Variants in TWSG1 observed in about 807,000 individuals in gnomAD.
The protein encoded by TWSG1 is twisted gastrulation protein homolog 1.
TWSG1 carries 15 observed loss-of-function variants against 23.0 expected under a neutral mutation model. The observed-to-expected ratio is 0.65, with a 90% CI of 0.44 to 1.00. TWSG1 has a LOEUF of 1.00. Ranked by LOEUF, TWSG1 falls within the 50% of genes least tolerant of loss-of-function variation. TWSG1 has a pLI of 0.00. For synonymous variants in TWSG1, 86 were observed against 92.8 expected, an observed-to-expected ratio of 0.93 and a Z score of 0.42; for missense variants, 242 against 278.7, an observed-to-expected ratio of 0.87 and a Z score of 0.94.
intron 2 of TWSG1, among the ~76,000 whole-genome samples, chr18:9,339,343 C>G (rs898188424): frequency 2.0e-5 from 3 of 152,046 alleles, no homozygotes; most frequent in African/African-American, 7.2e-5. Flanking sequence ...TTTTTTGGCT[C>G]TATTACAGCT....
intron 3 of TWSG1, among the ~76,000 whole-genome samples, chr18:9,363,580 A>G (rs921936437): frequency 1.3e-5 from 2 of 152,164 alleles, no homozygotes; most frequent in Non-Finnish European, 2.9e-5. Context: ...TACATAACAC[A>G]ATGTCATTAC....
chr18:9,365,575 G>T (rs1400151519), intron 3 of TWSG1, among the ~76,000 whole-genome samples: 7 of 152,150 alleles, frequency 4.6e-5, no homozygotes, highest in Non-Finnish European at 1.0e-4. Flanking sequence ...GGGAGCGGGG[G>T]CTGTGGCAGG....
At chr18:9,378,275 C>G (rs1186583399) in intron 3 of TWSG1, among the ~76,000 whole-genome samples, 1 of 152,118 alleles carries the variant, frequency 6.6e-6, no homozygotes. Context: ...AGCAATGAGG[C>G]AAGAGAAAGG....
chr18:9,340,311 T>G (rs1246500732), intron 2 of TWSG1, among the ~76,000 whole-genome samples: 1 of 132,028 alleles, frequency 7.6e-6, no homozygotes, highest in African/African-American at 2.9e-5. Flanking sequence ...GAGCTTGCAG[T>G]GAGCCAAGAT....
intron 3 of TWSG1, among the ~76,000 whole-genome samples, chr18:9,394,204 T>G (rs967708743): frequency 6.6e-6 from 1 of 152,218 alleles, no homozygotes; most frequent in Non-Finnish European, 1.5e-5. Context: ...TTATACTCAA[T>G]GGAATGCTAT....
intron 2 of TWSG1, among the ~76,000 whole-genome samples, chr18:9,344,511 G>GTGTGTT (rs1598820551): frequency 1.4e-5 from 1 of 71,438 alleles, no homozygotes; most frequent in African/African-American, 4.5e-5. Context: ...GTGTGTGTGT[G>GTGTGTT]TGTGTGTGTG....
chr18:9,389,024 T>G (rs1379500646), intron 3 of TWSG1, among the ~76,000 whole-genome samples: 2 of 152,202 alleles, frequency 1.3e-5, no homozygotes, highest in African/African-American at 4.8e-5. Flanking sequence ...TTGCCCAGGC[T>G]GGAGTGCAGT....
At chr18:9,392,077 G>A (rs534722848) in intron 3 of TWSG1, among the ~76,000 whole-genome samples, 3 of 152,308 alleles carry the variant, frequency 2.0e-5, no homozygotes, top group African/African-American at 7.2e-5. Flanking sequence ...TTTTGGAATA[G>A]TAAATTAGCA....
chr18:9,391,316 C>T (rs776095975), intron 3 of TWSG1, among the ~76,000 whole-genome samples: 1 of 152,194 alleles, frequency 6.6e-6, no homozygotes. Context: ...AAGTCTTGAA[C>T]CCCTCAAAGT....
chr18:9,373,930 A>G (rs944318055), intron 3 of TWSG1, among the ~76,000 whole-genome samples: 3 of 152,368 alleles, frequency 2.0e-5, no homozygotes, highest in Admixed American at 2.0e-4. Context: ...AAATATGTGA[A>G]GATTAAGCAA....
intron 3 of TWSG1, among the ~76,000 whole-genome samples, chr18:9,379,580 G>A (rs2040647016): frequency 6.6e-6 from 1 of 152,082 alleles, no homozygotes; most frequent in African/African-American, 2.4e-5. Context: ...TGGTATTCAG[G>A]TGATGAAATA....
intron 3 of TWSG1, among the ~76,000 whole-genome samples, chr18:9,387,770 C>CAAAAAAA (rs10616614): frequency 1.7e-5 from 2 of 120,912 alleles, no homozygotes; most frequent in Non-Finnish European, 1.8e-5. Context: ...AACTCTGTCT[C>CAAAAAAA]AAAAAAAAAA....
rs111608516 is a variant in TWSG1 at position 9,344,966 on chromosome 18, C to T, written c.123+7614C>T. ...GGGATGGGGGGTCTCACTGTATTGC[C>T]CAGGCTGGTCTTGAACTCCTGGTCT... On this transcript the variant is annotated intron_variant, in intron 2 of 4. Transcript: ENST00000262120. 0.04 allele frequency among the ~76,000 whole-genome samples: 6,136 copies of T among 152,010 alleles called. 813 individuals carry two copies. The East Asian group carries it at 0.49, about 12-fold the overall frequency.
intron 3 of TWSG1, among the ~76,000 whole-genome samples, chr18:9,389,481 G>T (rs932617185): frequency 3.9e-5 from 6 of 152,100 alleles, no homozygotes; most frequent in Admixed American, 1.3e-4. Context: ...CAAGTCATTT[G>T]ACTTATCTGC....
At chr18:9,389,910 T>C (rs2040703923) in intron 3 of TWSG1, among the ~76,000 whole-genome samples, 2 of 152,240 alleles carry the variant, frequency 1.3e-5, no homozygotes, top group African/African-American at 4.8e-5. Flanking sequence ...GCAAATACTT[T>C]GGTTTCCCAG....
intron 3 of TWSG1, among the ~76,000 whole-genome samples, chr18:9,375,686 C>T (rs1342450278): frequency 1.3e-5 from 2 of 152,164 alleles, no homozygotes; most frequent in Non-Finnish European, 2.9e-5. Context: ...TGCTGTTCTA[C>T]ATACCAGCAA....
intron 2 of TWSG1, among the ~76,000 whole-genome samples, chr18:9,358,677 G>A (rs918464679): frequency 5.3e-5 from 8 of 152,054 alleles, no homozygotes; most frequent in African/African-American, 1.2e-4. Flanking sequence ...GATTAGGACC[G>A]GCTACTTTGG....
At chr18:9,376,057 G>A (rs2145620786) in intron 3 of TWSG1, among the ~76,000 whole-genome samples, 1 of 152,190 alleles carries the variant, frequency 6.6e-6, no homozygotes, top group East Asian at 1.9e-4. Flanking sequence ...TGGGATTACA[G>A]GTGCCTGCCA....
In TWSG1 at chr18:9,399,569, G is replaced by A. The variant is rs556909530; in HGVS notation, c.*42G>A. 5.3e-6 allele frequency: 8 copies of A among 1,514,072 alleles called. No individual in the cohort carries two copies. Among genetic ancestry groups the A allele is most frequent in the Admixed American group, 2.1e-5 (1 of 47,790 alleles). The allele number at this position is 1,514,072 out of a possible 1,614,324, so 93.8% of individuals were successfully genotyped here. On this transcript the variant is annotated 3_prime_UTR_variant, in exon 5 of 5. Coordinates refer to ENST00000262120, the MANE Select transcript of TWSG1 (RefSeq NM_020648.6). ...CCAAAGCAACTTAGTAAAATAATAG[G>A]TATAAAAAGTTATTCTGTAAGTCTG...
Sources: gnomAD v4.1 joint callset for allele counts (sites outside exome capture counted in the v4.1 genomes callset) on GRCh38, gnomAD v4.1.1 for gene constraint, MANE v1.5 for transcripts, NCBI Gene and HGNC (gene_info 2026-07-23, HGNC 2026-07-21) for gene names.